SGIP1: variants seen among roughly 807,000 people sequenced by gnomAD.
SGIP1 encodes the protein SH3GL interacting endocytic adaptor 1, also known as SH3-containing GRB2-like protein 3-interacting protein 1.
A neutral mutation model predicts 107.5 loss-of-function variants in SGIP1; 38 were observed. That is an observed-to-expected ratio of 0.35 (90% CI 0.27 to 0.46). The LOEUF (loss-of-function observed/expected upper bound fraction) is 0.46. SGIP1 is among the 20% of genes least tolerant of loss of function. The pLI is 1.00. For missense variants in SGIP1, 929 were observed against 1,019.5 expected, an observed-to-expected ratio of 0.91 and a Z score of 1.21; for synonymous variants, 365 against 366.1, an observed-to-expected ratio of 1.00 and a Z score of 0.03.
intron 7 of SGIP1, among the ~76,000 whole-genome samples, chr1:66,649,626 C>A (rs1041887846): frequency 1.3e-5 from 2 of 152,114 alleles, no homozygotes; most frequent in Admixed American, 1.3e-4. Context: ...TCCATTATAT[C>A]ATACAAGAAA....
At chr1:66,655,497 C>G (rs569961365) in intron 7 of SGIP1, among the ~76,000 whole-genome samples, 1 of 152,164 alleles carries the variant, frequency 6.6e-6, no homozygotes, top group Non-Finnish European at 1.5e-5. Context: ...ATTACACAGC[C>G]GTGTGTTGCT....
chr1:66,547,573 C>T (rs1571136553), intron 1 of SGIP1, among the ~76,000 whole-genome samples: 6 of 152,258 alleles, frequency 3.9e-5, no homozygotes, highest in Admixed American at 3.9e-4. Flanking sequence ...GAGCTCGTCG[C>T]ACTCTTGATC....
chr1:66,635,512 G>GT (rs2075610119), intron 3 of SGIP1, among the ~76,000 whole-genome samples: 1 of 152,242 alleles, frequency 6.6e-6, no homozygotes, highest in African/African-American at 2.4e-5. Flanking sequence ...TGTGTGTGCT[G>GT]TATGTATTTG....
intron 7 of SGIP1, among the ~76,000 whole-genome samples, chr1:66,649,877 G>T (rs887608549): frequency 6.6e-6 from 1 of 152,124 alleles, no homozygotes; most frequent in African/African-American, 2.4e-5. Context: ...AAACAAGAGG[G>T]TTCTACCTCC....
chr1:66,662,132 C>A (rs1012341131), intron 8 of SGIP1, among the ~76,000 whole-genome samples: 1 of 152,202 alleles, frequency 6.6e-6, no homozygotes, highest in Non-Finnish European at 1.5e-5. Context: ...AGTTTGTCTT[C>A]ACCCTAAAGC....
chr1:66,544,141 C>G (rs1408824320), intron 1 of SGIP1, among the ~76,000 whole-genome samples: 1 of 152,146 alleles, frequency 6.6e-6, no homozygotes. Context: ...TTCTCCTCTT[C>G]ACCATACTAT....
intron 24 of SGIP1, among the ~76,000 whole-genome samples, chr1:66,742,691 G>A (rs1417236557): frequency 2.7e-5 from 4 of 148,460 alleles, no homozygotes; most frequent in Non-Finnish European, 4.4e-5. Flanking sequence ...GGATGGTCTC[G>A]ATCTCCTGAC....
intron 7 of SGIP1, among the ~76,000 whole-genome samples, chr1:66,658,189 T>A (rs1292986388): frequency 6.6e-6 from 1 of 152,200 alleles, no homozygotes; most frequent in African/African-American, 2.4e-5. Context: ...AAATTTACCT[T>A]ATAAGTAAGA....
chr1:66,741,551 C>A, intron 24 of SGIP1, 115 bp downstream of exon 24: 1 of 1,091,694 alleles, frequency 9.2e-7, no homozygotes. Context: ...CCACTCCCAA[C>A]CCCCATCCCA....
chr1:66,717,759 G>C (rs1229835320), intron 18 of SGIP1, among the ~76,000 whole-genome samples: 2 of 152,074 alleles, frequency 1.3e-5, no homozygotes, highest in Non-Finnish European at 2.9e-5. Context: ...TTGAGCCTTG[G>C]TTCCATCAAA....
At chr1:66,685,366 T>C (rs902998199) in intron 15 of SGIP1, among the ~76,000 whole-genome samples, 1 of 152,216 alleles carries the variant, frequency 6.6e-6, no homozygotes, top group African/African-American at 2.4e-5. Flanking sequence ...TCAATTTCCT[T>C]ATGTCAAAAG....
intron 18 of SGIP1, among the ~76,000 whole-genome samples, chr1:66,718,334 T>C (rs2093356288): frequency 6.6e-6 from 1 of 152,102 alleles, no homozygotes; most frequent in South Asian, 2.1e-4. Flanking sequence ...AAAAAAAATC[T>C]TAAATGTTGA....
chr1:66,570,478 T>G (rs1376059871), intron 1 of SGIP1, among the ~76,000 whole-genome samples: 1 of 151,940 alleles, frequency 6.6e-6, no homozygotes, highest in Non-Finnish European at 1.5e-5. Context: ...AATAGACAAA[T>G]GTCTTGCAGG....
intron 1 of SGIP1, among the ~76,000 whole-genome samples, chr1:66,568,858 G>A (rs2060010545): frequency 6.6e-6 from 1 of 151,862 alleles, no homozygotes; most frequent in African/African-American, 2.4e-5. Flanking sequence ...GGTATTGAGG[G>A]AGCTTTTACT....
At chr1:66,567,930 G>C (rs2059880648) in intron 1 of SGIP1, among the ~76,000 whole-genome samples, 1 of 152,116 alleles carries the variant, frequency 6.6e-6, no homozygotes, top group African/African-American at 2.4e-5. Flanking sequence ...TTTGAAGTCA[G>C]GTAGCATGAT....
Position 66,733,828 on chromosome 1 carries a change from C to G in SGIP1, c.1979C>G (p.Ser660Cys). The G allele has an allele frequency of 6.2e-7, 1 of 1,613,516 alleles. No individual in the cohort carries two copies. The highest frequency in any genetic ancestry group is 8.5e-7 in the Non-Finnish European group (1 of 1,179,712). The part of the protein sequence containing the change: ...PNLMTHLKKV[S>C]EQKPQATYYN... ...TTGATGACTCACCTAAAGAAAGTGTCTGAACAAAAACCCCAGGCTACATAT... is the reference window on the plus strand; with the variant it reads ...TTGATGACTCACCTAAAGAAAGTGTGTGAACAAAAACCCCAGGCTACATAT... The change falls in exon 21 of 25, where the codon TCT becomes TGT. Residue 660 changes from serine to cysteine, a missense_variant. Physicochemically the swap from Ser to Cys is moderately radical, Grantham distance 112. This residue lies in a region of SGIP1 where 341 missense variants were observed against 430.9 expected (regional missense o/e 0.79). Coordinates refer to ENST00000371037, the MANE Select transcript of SGIP1 (RefSeq NM_032291.4).
intron 19 of SGIP1, among the ~76,000 whole-genome samples, chr1:66,723,373 G>A (rs1344275903): frequency 2.0e-5 from 3 of 151,930 alleles, no homozygotes; most frequent in East Asian, 1.9e-4. Context: ...GTAAATATTC[G>A]GAGCACCCAT....
intron 18 of SGIP1, among the ~76,000 whole-genome samples, chr1:66,700,615 T>C (rs2091763443): frequency 2.0e-5 from 3 of 148,644 alleles, no homozygotes; most frequent in Non-Finnish European, 4.4e-5. Flanking sequence ...AATACATGTG[T>C]ACTATGTATA....
At chr1:66,631,150 T>C (rs1037471893) in intron 2 of SGIP1, among the ~76,000 whole-genome samples, 8 of 152,012 alleles carry the variant, frequency 5.3e-5, no homozygotes, top group Admixed American at 1.3e-4. Flanking sequence ...GAATTGGCTT[T>C]GATGAGTATG....
Sources: allele counts gnomAD v4.1 joint callset (sites outside exome capture counted in the v4.1 genomes callset), GRCh38; gene constraint gnomAD v4.1.1; regional missense constraint gnomAD v4.1.1; transcripts MANE v1.5; gene names NCBI Gene and HGNC (gene_info 2026-07-23, HGNC 2026-07-21).